The following FRY variants were observed in gnomAD, a reference collection of about 807,000 sequenced individuals.
The protein encoded by FRY is FRY microtubule binding protein, also known as protein furry homolog.
In FRY, 128 loss-of-function variants were observed where a neutral mutation model predicts 348.4. That is an observed-to-expected ratio of 0.37 (90% CI 0.32 to 0.43). The LOEUF is 0.43. FRY is among the 20% of genes least tolerant of loss of function. The probability of loss-of-function intolerance (pLI) is 1.00; values close to 1 mark genes in which losing one functional copy is unlikely to be tolerated. For synonymous variants in FRY, 1,370 were observed against 1,374.7 expected, an observed-to-expected ratio of 1.00 and a Z score of 0.08; for missense variants, 2,736 against 3,695.2, an observed-to-expected ratio of 0.74 and a Z score of 6.73.
intron 16 of FRY, among the ~76,000 whole-genome samples, chr13:32,158,882 C>A (rs1220013171): frequency 7.1e-6 from 1 of 141,526 alleles, no homozygotes; most frequent in Non-Finnish European, 1.5e-5. Flanking sequence ...TGCACCACTG[C>A]ATTCCAGCCT....
intron 3 of FRY, among the ~76,000 whole-genome samples, chr13:32,116,034 A>G (rs1299496508): frequency 6.6e-6 from 1 of 152,112 alleles, no homozygotes; most frequent in African/African-American, 2.4e-5. Flanking sequence ...GTCCACACCA[A>G]ATTCCACATC....
chr13:32,097,533 G>A (rs896512213), intron 2 of FRY, among the ~76,000 whole-genome samples: 2 of 151,630 alleles, frequency 1.3e-5, no homozygotes, highest in African/African-American at 4.8e-5. Flanking sequence ...GCTAATTTTT[G>A]TGTTTTTAGT....
At chr13:32,282,474 A>T (rs1381063487) in intron 58 of FRY, among the ~76,000 whole-genome samples, 1 of 152,224 alleles carries the variant, frequency 6.6e-6, no homozygotes, top group Non-Finnish European at 1.5e-5. Context: ...TAAACCTAGC[A>T]AAGTAAATTC....
intron 1 of FRY, among the ~76,000 whole-genome samples, chr13:32,054,731 C>T (rs547976857): frequency 1.3e-5 from 2 of 151,996 alleles, no homozygotes; most frequent in Admixed American, 6.6e-5. Context: ...AGAAATTAGC[C>T]GGGCATGGTG....
intron 1 of FRY, among the ~76,000 whole-genome samples, chr13:32,062,473 A>G (rs1057068561): frequency 2.6e-5 from 4 of 152,166 alleles, no homozygotes; most frequent in African/African-American, 9.7e-5. Context: ...AGTTTTAGGT[A>G]TTAAACTTTA....
chr13:32,056,540 C>T (rs898335935), intron 1 of FRY, among the ~76,000 whole-genome samples: 1 of 152,186 alleles, frequency 6.6e-6, no homozygotes, highest in Non-Finnish European at 1.5e-5. Context: ...GGGTTCCCTG[C>T]CCTTATTATG....
At chr13:32,174,323 A>T (rs1051125108) in intron 19 of FRY, among the ~76,000 whole-genome samples, 8 of 152,206 alleles carry the variant, frequency 5.3e-5, no homozygotes, top group Non-Finnish European at 1.0e-4. Flanking sequence ...TTCTTCAGAT[A>T]GCTTTCTGAT....
At position 32,239,723 on chromosome 13, in the gene FRY, G is replaced by A; in HGVS notation, c.6529G>A (p.Glu2177Lys). The A allele has an allele frequency of 6.2e-7, 1 of 1,611,666 alleles. No individual in the cohort carries two copies. Among genetic ancestry groups the A allele is most frequent in the Non-Finnish European group, 8.5e-7 (1 of 1,177,850 alleles). ...AERIAQVCLE[E>K]KNPKLSNLAH... ...TTTATTTTAAAAGGTTTGTTTAGAAGAGAAGAACCCCAAACTTTCAAATCT... is the reference window on the plus strand; with the variant it reads ...TTTATTTTAAAAGGTTTGTTTAGAAAAGAAGAACCCCAAACTTTCAAATCT... The change falls in exon 46 of 61, where the codon GAG becomes AAG. Residue 2177 changes from glutamate (E) to lysine (K), a missense_variant. Physicochemically the swap from Glu to Lys is moderately conservative, Grantham distance 56 (BLOSUM62 1). Around this residue, in one of 9 missense-constraint regions of FRY, gnomAD observed 789 missense variants for 996.2 expected, o/e 0.79. Coordinates refer to ENST00000542859, the MANE Select transcript of FRY (RefSeq NM_023037.3). This position sits in a 1 kb window ranked among gnomAD's most constrained non-coding sequence, Gnocchi z 4.3.
At chr13:32,258,343 A>G (rs1053672816) in intron 51 of FRY, among the ~76,000 whole-genome samples, 6 of 152,104 alleles carry the variant, frequency 3.9e-5, no homozygotes, top group African/African-American at 1.2e-4. Context: ...ACCGGGTACC[A>G]TGGCTCCCAC....
At chr13:32,033,979 A>G (rs949650370) in intron 1 of FRY, among the ~76,000 whole-genome samples, 3 of 152,216 alleles carry the variant, frequency 2.0e-5, no homozygotes, top group African/African-American at 4.8e-5. Context: ...CAGAAGCCCT[A>G]AGGCTCAACA....
chr13:32,178,586 A>T lies in FRY; in HGVS notation c.2681+150A>T, dbSNP rs186914707. 68 of 965,172 alleles carry T rather than the reference A, an allele frequency of 7.0e-5. No individual in the cohort carries two copies. The East Asian group carries it at 1.5e-3, about 21-fold the overall frequency. 59.8% of individuals were successfully genotyped at this position (965,172 alleles called of 1,614,324 possible). ...AACATTGAGTAAAAACATTAAAAAA[A>T]TTTTGTCTAAAGCTAGTGGTTTTTT... On this transcript the variant is annotated intron_variant, in intron 21 of 60. Coordinates refer to ENST00000542859, the MANE Select transcript of FRY (RefSeq NM_023037.3).
At chr13:32,070,846 T>A (rs1192886515) in intron 1 of FRY, among the ~76,000 whole-genome samples, 2 of 152,204 alleles carry the variant, frequency 1.3e-5, no homozygotes, top group Non-Finnish European at 2.9e-5. Context: ...TGGTTTTAGG[T>A]CTAACATTTA....
At chr13:32,034,849 C>A (rs914362951) in intron 1 of FRY, among the ~76,000 whole-genome samples, 2 of 152,200 alleles carry the variant, frequency 1.3e-5, no homozygotes, top group African/African-American at 4.8e-5. Context: ...AACTAACATG[C>A]TCCCAAATTC....
rs140387864 is a variant in FRY at position 32,140,934 on chromosome 13, G to A, written c.1179+3962G>A. The stretch of plus-strand genomic sequence containing the variant: ...TTGCCTGAATTAATTAAAATATATG[G>A]CATTTATTTTAAAATGACTACTTTT... On this transcript the variant is annotated intron_variant, in intron 11 of 60. Transcript: ENST00000542859. Among the ~76,000 whole-genome samples, 10 of 152,050 alleles carry A rather than the reference G, an allele frequency of 6.6e-5. No individual in the cohort carries two copies. The East Asian group carries it at 1.7e-3, about 26-fold the overall frequency.
Position 32,228,674 on chromosome 13 carries a change from C to T in FRY, c.5405+20C>T. Reference sequence around the variant, plus strand: ...GACCAGGTAATAAGGGGTTAGGAGTCCGCTGCTGTTTGCAGGTTGGTCTTT... The same window carrying T: ...GACCAGGTAATAAGGGGTTAGGAGTTCGCTGCTGTTTGCAGGTTGGTCTTT... On this transcript the variant is annotated intron_variant, in intron 40 of 60. Coordinates refer to ENST00000542859, the MANE Select transcript of FRY (RefSeq NM_023037.3). The T allele has an allele frequency of 6.2e-7, 1 of 1,607,842 alleles. No homozygotes were observed. The highest frequency in any genetic ancestry group is 1.1e-5 in the South Asian group (1 of 90,938).
chr13:32,158,564 A>C (rs959921221), intron 16 of FRY, among the ~76,000 whole-genome samples: 7 of 152,050 alleles, frequency 4.6e-5, no homozygotes, highest in African/African-American at 1.7e-4. Context: ...TTTCAACCTC[A>C]TTTTTCCATA....
At chr13:32,270,887 A>G (rs1888169245) in intron 55 of FRY, among the ~76,000 whole-genome samples, 1 of 152,246 alleles carries the variant, frequency 6.6e-6, no homozygotes, top group Non-Finnish European at 1.5e-5. Context: ...TGCAACATAC[A>G]CTAGGTGCTC....
intron 36 of FRY, among the ~76,000 whole-genome samples, chr13:32,221,403 C>A (rs915019534): frequency 1.3e-5 from 2 of 152,224 alleles, no homozygotes. Flanking sequence ...AGCCAAATAC[C>A]TGGGTTAAAT....
intron 2 of FRY, among the ~76,000 whole-genome samples, chr13:32,082,398 T>A (rs1036778163): frequency 3.9e-5 from 6 of 152,208 alleles, no homozygotes; most frequent in African/African-American, 1.4e-4. Context: ...TTTTATTGCT[T>A]CATGGAGACA....
Sources: allele counts gnomAD v4.1 joint callset (sites outside exome capture counted in the v4.1 genomes callset), GRCh38; gene constraint gnomAD v4.1.1; regional missense constraint gnomAD v4.1.1; non-coding constraint Gnocchi (gnomAD v3.1); transcripts MANE v1.5; gene names NCBI Gene and HGNC (gene_info 2026-07-23, HGNC 2026-07-21).